The following EPM2A variants were observed in gnomAD, a reference collection of about 807,000 sequenced individuals.
EPM2A encodes laforin.
In EPM2A, 21 loss-of-function variants were observed where a neutral mutation model predicts 26.5. The ratio of observed to expected loss-of-function variants is 0.79; its 90% CI spans 0.56 to 1.14. EPM2A has a LOEUF of 1.14. Among genes scored for constraint, EPM2A ranks in the 50% most tolerant of loss-of-function variants. EPM2A has a pLI of 0.00. For synonymous variants in EPM2A, 217 were observed against 177.6 expected, an observed-to-expected ratio of 1.22 and a Z score of -1.76; for missense variants, 458 against 440.8, an observed-to-expected ratio of 1.04 and a Z score of -0.35.
intron 2 of EPM2A, among the ~76,000 whole-genome samples, chr6:145,553,882 T>C (rs961470495): frequency 6.7e-6 from 1 of 148,388 alleles, no homozygotes; most frequent in East Asian, 2.0e-4. Context: ...TTGATATATA[T>C]ATATCAAGTA....
chr6:145,523,967 A>G (rs1282875632), intron 2 of EPM2A, among the ~76,000 whole-genome samples: 1 of 152,148 alleles, frequency 6.6e-6, no homozygotes, highest in Non-Finnish European at 1.5e-5. Context: ...GGGAGTCCTC[A>G]GTATCTACTG....
intron 2 of EPM2A, among the ~76,000 whole-genome samples, chr6:145,594,531 A>G (rs1781315608): frequency 6.7e-6 from 1 of 149,412 alleles, no homozygotes; most frequent in South Asian, 2.1e-4. Context: ...TCTCTCATGC[A>G]CAGACATTAA....
At chr6:145,725,701 A>C (rs1583133863) in intron 1 of EPM2A, among the ~76,000 whole-genome samples, 2 of 152,078 alleles carry the variant, frequency 1.3e-5, no homozygotes, top group African/African-American at 4.8e-5. Flanking sequence ...ATTATTTGAC[A>C]TTGTGGAAAG....
chr6:145,401,732 A>G (rs970974020), intron 4 of EPM2A, among the ~76,000 whole-genome samples: 1 of 152,152 alleles, frequency 6.6e-6, no homozygotes, highest in African/African-American at 2.4e-5. Flanking sequence ...CTATCAATTT[A>G]CATCTGAACA....
intron 4 of EPM2A, among the ~76,000 whole-genome samples, chr6:145,465,903 A>C (rs1286975790): frequency 2.0e-5 from 3 of 152,128 alleles, no homozygotes; most frequent in African/African-American, 7.2e-5. Context: ...TTCCCTATTT[A>C]ATAAATGGTG....
downstream of EPM2A, among the ~76,000 whole-genome samples, chr6:145,499,900 G>A (rs564233286): frequency 4.5e-4 from 68 of 152,248 alleles, no homozygotes; most frequent in Admixed American, 7.8e-4. Context: ...TCTCTTCTGC[G>A]TCTTTTCTCT....
chr6:145,707,475 A>G (rs545708347), intron 1 of EPM2A, among the ~76,000 whole-genome samples: 1 of 152,306 alleles, frequency 6.6e-6, no homozygotes, highest in African/African-American at 2.4e-5. Flanking sequence ...TGTAGCTCCC[A>G]TAATTTCCAT....
chr6:145,533,951 T>C (rs750943142), intron 2 of EPM2A, among the ~76,000 whole-genome samples: 2 of 152,132 alleles, frequency 1.3e-5, no homozygotes, highest in Non-Finnish European at 2.9e-5. Flanking sequence ...AGTATGAGAT[T>C]TGAGAAACAC....
At chr6:145,725,371 T>C (rs1227513282) in intron 1 of EPM2A, among the ~76,000 whole-genome samples, 2 of 152,052 alleles carry the variant, frequency 1.3e-5, no homozygotes, top group Non-Finnish European at 2.9e-5. Flanking sequence ...CTCTAAAAGA[T>C]GGTTTGGCAG....
In EPM2A at chr6:145,688,805, A is replaced by C. The variant is rs185327615; in HGVS notation, c.302-2509T>G. 1.8e-3 allele frequency among the ~76,000 whole-genome samples: 267 copies of C among 152,336 alleles called. 1 individual carries two copies. Among genetic ancestry groups the C allele is most frequent in the African/African-American group, 6.1e-3 (254 of 41,584 alleles). On this transcript the variant is annotated intron_variant, in intron 1 of 3. Coordinates refer to ENST00000367519, the MANE Select transcript of EPM2A (RefSeq NM_005670.4). ...TGAAAAGGAAAAGTAGGAGTGACTAAGTGAAGCAGCAGAGCATGACTGAAA... is the reference window on the plus strand; with the variant it reads ...TGAAAAGGAAAAGTAGGAGTGACTACGTGAAGCAGCAGAGCATGACTGAAA...
At chr6:145,652,766 T>A (rs1777974295) in intron 2 of EPM2A, among the ~76,000 whole-genome samples, 1 of 151,858 alleles carries the variant, frequency 6.6e-6, no homozygotes, top group Non-Finnish European at 1.5e-5. Context: ...CATGAAGCAA[T>A]TTCTACAGTG....
intron 2 of EPM2A, among the ~76,000 whole-genome samples, chr6:145,655,560 C>A (rs1778216599): frequency 6.6e-6 from 1 of 151,896 alleles, no homozygotes; most frequent in African/African-American, 2.4e-5. Context: ...TTTATATTTA[C>A]AAAACAAAAT....
At chr6:145,421,344 CT>C (rs1227649588) in intron 4 of EPM2A, among the ~76,000 whole-genome samples, 1 of 151,994 alleles carries the variant, frequency 6.6e-6, no homozygotes, top group East Asian at 1.9e-4. Flanking sequence ...GAATAACAGA[CT>C]TTTTTTCATG....
At chr6:145,536,655 T>C (rs373313) in intron 2 of EPM2A, among the ~76,000 whole-genome samples, 67,759 of 152,014 alleles carry the variant, frequency 0.45, 15,138 homozygotes, top group South Asian at 0.58. Context: ...TGTCCACTTA[T>C]GAAGCAGACA....
chr6:145,611,657 C>A (rs1342303870), intron 2 of EPM2A, among the ~76,000 whole-genome samples: 2 of 151,770 alleles, frequency 1.3e-5, no homozygotes, highest in Non-Finnish European at 1.5e-5. Context: ...AGAGAGAAAC[C>A]CACTATTTAG....
intron 2 of EPM2A, among the ~76,000 whole-genome samples, chr6:145,598,348 G>A (rs1781375740): frequency 6.6e-6 from 1 of 152,014 alleles, no homozygotes; most frequent in African/African-American, 2.4e-5. Flanking sequence ...TATTTCATAT[G>A]TTTGTTGGCC....
Position 145,735,476 on chromosome 6 carries a change from A to G in EPM2A, c.23T>C (p.Val8Ala). 1 of 1,210,814 alleles carries G rather than the reference A, an allele frequency of 8.3e-7. No individual in the cohort carries two copies. Among genetic ancestry groups the G allele is most frequent in the Non-Finnish European group, 1.0e-6 (1 of 974,988 alleles). 75.0% of individuals were successfully genotyped at this position (1,210,814 alleles called of 1,614,324 possible). A position where few individuals can be genotyped will look rare whatever the true frequency, so the allele number is the denominator to read the frequency against. Residue 8 changes from valine (V) to alanine (A), a missense_variant, in exon 1 of 4, where the codon GTG becomes GCG. Val to Ala is a moderately conservative substitution (Grantham distance 64, BLOSUM62 0). Transcript: ENST00000367519. The stretch of plus-strand genomic sequence containing the variant: ...GGCGCCGGCCACGGCGGGTGGCACC[A>G]CCACCCCAAAGCGGAAGCGCATGGC... MRFRFGV[V>A]VPPAVAGARP...
downstream of EPM2A, among the ~76,000 whole-genome samples, chr6:145,499,098 T>G (rs1190369885): frequency 6.6e-6 from 1 of 152,174 alleles, no homozygotes; most frequent in Non-Finnish European, 1.5e-5. Flanking sequence ...CTTTTAAAAA[T>G]ACAAATCTGA....
rs5880652 is a variant in EPM2A at position 145,657,089 on chromosome 6, C to CTTT, written c.477-21606_477-21604dup. Among the ~76,000 whole-genome samples, 116 of 121,812 alleles carry CTTT rather than the reference C, an allele frequency of 9.5e-4. 1 individual carries two copies. Among genetic ancestry groups the CTTT allele is most frequent in the Non-Finnish European group, 1.5e-3 (85 of 58,062 alleles). The allele number at this position is 121,812 out of a possible 152,430, so 79.9% of individuals were successfully genotyped here. ...GAAAAAAATAAGCCCGTCATTTTTCCTTTTTTTTTTTTTTTTTTGAGATGG... is the reference window on the plus strand; with the variant it reads ...GAAAAAAATAAGCCCGTCATTTTTCCTTTTTTTTTTTTTTTTTTTTTGAGATGG... On this transcript the variant is annotated intron_variant, in intron 2 of 3. Coordinates refer to ENST00000367519, the MANE Select transcript of EPM2A (RefSeq NM_005670.4).
Sources: gnomAD v4.1 joint callset for allele counts (sites outside exome capture counted in the v4.1 genomes callset) on GRCh38, gnomAD v4.1.1 for gene constraint, MANE v1.5 for transcripts, NCBI Gene and HGNC (gene_info 2026-07-23, HGNC 2026-07-21) for gene names.